CGNL1: variants seen among roughly 807,000 people sequenced by gnomAD.
The protein encoded by CGNL1 is cingulin like 1.
CGNL1 carries 132 observed loss-of-function variants against 141.2 expected under a neutral mutation model. The ratio of observed to expected loss-of-function variants is 0.93; its 90% CI spans 0.81 to 1.08. The LOEUF is 1.08. Among genes scored for constraint, CGNL1 ranks in the 50% least tolerant of loss-of-function variants. CGNL1 has a pLI of 0.00. For synonymous variants in CGNL1, 690 were observed against 622.1 expected, an observed-to-expected ratio of 1.11 and a Z score of -1.63; for missense variants, 1,870 against 1,588.6, an observed-to-expected ratio of 1.18 and a Z score of -3.01.
In CGNL1 at chr15:57,442,473, A is replaced by C; in HGVS notation, c.1798A>C (p.Asn600His). 6.3e-7 allele frequency: 1 copy of C among 1,598,340 alleles called. No individual in the cohort carries two copies. Residue 600 changes from asparagine (N) to histidine (H), a missense_variant, in exon 4 of 19, where the codon AAC (asparagine) becomes CAC (histidine). Coordinates refer to ENST00000281282, the MANE Select transcript of CGNL1 (RefSeq NM_032866.5). ...AGCAGCTGGGAGCGCCCAAGGAAAT[A>C]ACCAAGTAAATGGAAGTTTTGTATT... ...SRAAGSAQGN[N>H]QACNSTSEVK... is the part of the protein sequence containing the mutation.
chr15:57,410,231 A>T (rs1767876081), intron 1 of CGNL1, among the ~76,000 whole-genome samples: 1 of 152,226 alleles, frequency 6.6e-6, no homozygotes, highest in African/African-American at 2.4e-5. Flanking sequence ...CTTCACAATC[A>T]AATTACTTGA....
intron 1 of CGNL1, among the ~76,000 whole-genome samples, chr15:57,381,405 A>G (rs2062423417): frequency 6.6e-6 from 1 of 152,136 alleles, no homozygotes; most frequent in African/African-American, 2.4e-5. Context: ...ACAAAAAAAT[A>G]CAGAAATTAG....
intron 1 of CGNL1, among the ~76,000 whole-genome samples, chr15:57,400,916 T>C (rs1269048954): frequency 7.1e-6 from 1 of 141,708 alleles, no homozygotes; most frequent in Non-Finnish European, 1.5e-5. Context: ...AAAAAAGGCA[T>C]GTTTGCAATG....
intron 1 of CGNL1, among the ~76,000 whole-genome samples, chr15:57,414,336 C>T (rs2062825342): frequency 6.6e-6 from 1 of 152,244 alleles, no homozygotes; most frequent in South Asian, 2.1e-4. Flanking sequence ...ACAATAAGAG[C>T]AGGTTTCTTC....
At chr15:57,386,534 A>G (rs559537394) in intron 1 of CGNL1, among the ~76,000 whole-genome samples, 1 of 152,264 alleles carries the variant, frequency 6.6e-6, no homozygotes, top group East Asian at 1.9e-4. Context: ...AGGGTGTGTG[A>G]TTCGGGAAGC....
rs1425070590 is a variant in CGNL1 at position 57,516,841 on chromosome 15, T to A, written c.2465T>A (p.Met822Lys). The A allele has an allele frequency of 6.2e-7, 1 of 1,614,058 alleles. No homozygotes were observed. The highest frequency in any genetic ancestry group is 2.2e-5 in the East Asian group (1 of 44,870). ...GAGCAAGACCAGGCGGGGACTGAAA[T>A]GCGCGTGAAGCTTCTGCAGGAGGAG... is the stretch of plus-strand genomic sequence containing the variant. Reference protein sequence around the residue: ...TSEQDQAGTEMRVKLLQEENE... With the variant: ...TSEQDQAGTEKRVKLLQEENE... Residue 822 changes from methionine to lysine, a missense_variant, in exon 9 of 19, where the codon ATG (methionine) becomes AAG (lysine). Coordinates refer to ENST00000281282, the MANE Select transcript of CGNL1 (RefSeq NM_032866.5).
chr15:57,447,868 G>A (rs1445657162), intron 4 of CGNL1, among the ~76,000 whole-genome samples: 2 of 150,928 alleles, frequency 1.3e-5, no homozygotes, highest in African/African-American at 4.9e-5. Context: ...TGGGGCATCA[G>A]ATATTCTGGA....
intron 8 of CGNL1, among the ~76,000 whole-genome samples, chr15:57,493,542 C>G (rs2063896093): frequency 6.6e-6 from 1 of 152,174 alleles, no homozygotes; most frequent in African/African-American, 2.4e-5. Flanking sequence ...GATTAAAAAT[C>G]AACTTGATTA....
intron 16 of CGNL1, 21 bp from the exon 17 acceptor site, chr15:57,545,571 G>T: frequency 6.2e-7 from 1 of 1,605,176 alleles, no homozygotes; most frequent in East Asian, 2.2e-5. Context: ...AGGGTTCTTG[G>T]TTCTGTCTCC....
rs1217399364 is a variant in CGNL1, at chr15:57,490,701, A to G, written c.2404-26079A>G. Among the ~76,000 whole-genome samples, 8 of 152,190 alleles carry G rather than the reference A, an allele frequency of 5.3e-5. No individual in the cohort carries two copies. The East Asian group carries it at 1.5e-3, about 29-fold the overall frequency. On this transcript the variant is annotated intron_variant, in intron 8 of 18. Transcript: ENST00000281282. ...CCCCATTCTTGAAGTTGGGCTGCAC[A>G]TAGTGAATTCCTTCCAGAGTGTACA...
intron 14 of CGNL1, among the ~76,000 whole-genome samples, chr15:57,541,325 C>T (rs966335683): frequency 3.3e-5 from 5 of 152,228 alleles, no homozygotes; most frequent in East Asian, 3.8e-4. Flanking sequence ...CTGGGAGGCA[C>T]GTCTGTCCTC....
At chr15:57,416,048 T>G (rs2062844870) in intron 1 of CGNL1, among the ~76,000 whole-genome samples, 1 of 152,060 alleles carries the variant, frequency 6.6e-6, no homozygotes, top group African/African-American at 2.4e-5. Context: ...ATATCAGAGG[T>G]TGGGTTGAAA....
chr15:57,409,420 T>C (rs913815472), intron 1 of CGNL1, among the ~76,000 whole-genome samples: 4 of 152,272 alleles, frequency 2.6e-5, no homozygotes, highest in Middle Eastern at 3.4e-3. Flanking sequence ...AAGTACAAAT[T>C]TGAAAAGATG....
At chr15:57,486,384 CAAAT>C (rs1332859980) in intron 8 of CGNL1, among the ~76,000 whole-genome samples, 1 of 151,662 alleles carries the variant, frequency 6.6e-6, no homozygotes, top group Non-Finnish European at 1.5e-5. Context: ...AAGAGGGGGT[CAAAT>C]AAATCAGCGA....
chr15:57,483,151 A>G (rs1305753358), intron 8 of CGNL1, among the ~76,000 whole-genome samples: 3 of 152,170 alleles, frequency 2.0e-5, no homozygotes, highest in Non-Finnish European at 2.9e-5. Context: ...TGAAGTTTTG[A>G]TAGGTTGAGT....
chr15:57,547,734 G>C lies in CGNL1; in HGVS notation c.*244G>C, dbSNP rs190707926. 6.3e-6 allele frequency: 3 copies of C among 475,050 alleles called. No homozygotes were observed. In the East Asian group the frequency reaches 1.1e-4, roughly 18 times the overall value. 29.4% of individuals were successfully genotyped at this position (475,050 alleles called of 1,614,324 possible). A position where few individuals can be genotyped will look rare whatever the true frequency, so the allele number is the denominator to read the frequency against. On this transcript the variant is annotated 3_prime_UTR_variant, in exon 19 of 19. Coordinates refer to ENST00000281282, the MANE Select transcript of CGNL1 (RefSeq NM_032866.5). The stretch of plus-strand genomic sequence containing the variant: ...AGGAGCCACCACCCACTGGGGTGTT[G>C]TGAGAGATACACTTTGGTAGGCTGA...
chr15:57,394,457 A>G (rs1253948645), intron 1 of CGNL1, among the ~76,000 whole-genome samples: 1 of 152,190 alleles, frequency 6.6e-6, no homozygotes, highest in East Asian at 1.9e-4. Flanking sequence ...TATTGATTCC[A>G]TTTTTACCAA....
In CGNL1 at chr15:57,442,379, T is replaced by C; in HGVS notation, c.1704T>C (p.Thr568=). 1 of 1,607,416 alleles carries C rather than the reference T, an allele frequency of 6.2e-7. No homozygotes were observed. The change falls in exon 4 of 19, where the codon ACT becomes ACC. Residue 568 remains threonine, a synonymous_variant. Transcript: ENST00000281282. The stretch of plus-strand genomic sequence containing the variant: ...TCTGCTGTCCCTTTTTCAGAAGCAC[T>C]GATAATGACGATGCTACTAAAAGGA... ...ILYNYLKEGS[T]DNDDATKRKV...
At chr15:57,439,718 T>G (rs1218904537) in intron 2 of CGNL1, 117 bp downstream of exon 2, 2 of 1,012,678 alleles carry the variant, frequency 2.0e-6, no homozygotes, top group Non-Finnish European at 2.9e-6. Flanking sequence ...GTATCAGGAA[T>G]CACACAGCTG....
Sources: gnomAD v4.1 joint callset for allele counts (sites outside exome capture counted in the v4.1 genomes callset) on GRCh38, gnomAD v4.1.1 for gene constraint, MANE v1.5 for transcripts, NCBI Gene and HGNC (gene_info 2026-07-23, HGNC 2026-07-21) for gene names.